The following AK7 variants were observed in gnomAD, a reference collection of about 807,000 sequenced individuals.
AK7 encodes the protein ATP-AMP transphosphorylase 7.
A neutral mutation model predicts 96.6 loss-of-function variants in AK7; 78 were observed. The ratio of observed to expected loss-of-function variants is 0.81; its 90% CI spans 0.67 to 0.97. The LOEUF (loss-of-function observed/expected upper bound fraction) is 0.97. Among genes scored for constraint, AK7 ranks in the 50% least tolerant of loss-of-function variants. The pLI, the probability that AK7 is intolerant of heterozygous loss-of-function variation, is 0.00. For synonymous variants in AK7, 302 were observed against 317.2 expected (o/e 0.95, Z 0.51); for missense variants, 855 against 887.9 (o/e 0.96, Z 0.47).
rs34353872 is a variant in AK7 at position 96,450,431 on chromosome 14, T to TA, written c.948+566dup. 2.5e-3 allele frequency among the ~76,000 whole-genome samples: 348 copies of TA among 138,318 alleles called. 1 individual carries two copies. The highest frequency in any genetic ancestry group is 5.1e-3 in the African/African-American group (193 of 37,732). The allele number at this position is 138,318 out of a possible 152,430, so 90.7% of individuals were successfully genotyped here. A position where few individuals can be genotyped will look rare whatever the true frequency, so the allele number is the denominator to read the frequency against. Reference sequence around the variant, plus strand: ...CAGTCCATCTCAAAATAAAAAAAATTAAAAAAAAAAAAAAGAAACAAAACA... The same window carrying TA: ...CAGTCCATCTCAAAATAAAAAAAATTAAAAAAAAAAAAAAAGAAACAAAACA... On this transcript the variant is annotated intron_variant, in intron 9 of 17. Transcript: ENST00000267584.
At chr14:96,421,728 C>T (rs1054990177) in intron 5 of AK7, among the ~76,000 whole-genome samples, 4 of 151,888 alleles carry the variant, frequency 2.6e-5, no homozygotes, top group Non-Finnish European at 5.9e-5. Flanking sequence ...GCCTCAGCCT[C>T]CCGGGTAGCT....
intron 10 of AK7, among the ~76,000 whole-genome samples, chr14:96,455,351 G>A (rs1194096990): frequency 6.6e-6 from 1 of 152,052 alleles, no homozygotes; most frequent in Non-Finnish European, 1.5e-5. Context: ...CGAACATGGT[G>A]GTGTGCCTCT....
chr14:96,413,316 C>A (rs1313565919), intron 4 of AK7, among the ~76,000 whole-genome samples: 1 of 152,230 alleles, frequency 6.6e-6, no homozygotes, highest in Non-Finnish European at 1.5e-5. Context: ...CTCTTCTCCA[C>A]CCTGCTCCAA....
At chr14:96,402,921 GA>G (rs144148502) in intron 2 of AK7, among the ~76,000 whole-genome samples, 9,409 of 152,068 alleles carry the variant, frequency 0.062, 393 homozygotes, top group African/African-American at 0.11. Context: ...CTGAGGTCAG[GA>G]GTTCAAGACC....
At chr14:96,420,097 G>A (rs532838732) in intron 4 of AK7, among the ~76,000 whole-genome samples, 28 of 151,652 alleles carry the variant, frequency 1.8e-4, no homozygotes, top group South Asian at 2.1e-4. Context: ...AACTCCAGAC[G>A]TCAGGTAATC....
At position 96,488,832 on chromosome 14, in the gene AK7, T is replaced by C. The variant is rs1437837531; in HGVS notation, c.*489T>C. The C allele has an allele frequency of 6.6e-6, 1 of 151,920 alleles. No homozygotes were observed. Among genetic ancestry groups the C allele is most frequent in the East Asian group, 1.9e-4 (1 of 5,202 alleles). The allele number at this position is 151,920 out of a possible 1,614,324, so 9.4% of individuals were successfully genotyped here. A position where few individuals can be genotyped will look rare whatever the true frequency, so the allele number is the denominator to read the frequency against. On this transcript the variant is annotated 3_prime_UTR_variant, in exon 18 of 18. Transcript: ENST00000267584. ...TGGTGCCTGTAAGGTGGCTTTTTTT[T>C]TTTTTTTTTTTAAATGAAGCAATGG... is the stretch of plus-strand genomic sequence containing the variant.
At chr14:96,408,260 C>T (rs1289539194) in intron 3 of AK7, among the ~76,000 whole-genome samples, 1 of 152,202 alleles carries the variant, frequency 6.6e-6, no homozygotes, top group African/African-American at 2.4e-5. Context: ...CCAGCCTGCT[C>T]CCTTTTCTGG....
At chr14:96,408,032 C>G (rs1268077718) in intron 3 of AK7, among the ~76,000 whole-genome samples, 1 of 152,172 alleles carries the variant, frequency 6.6e-6, no homozygotes, top group Non-Finnish European at 1.5e-5. Context: ...TTCTCTCCAC[C>G]TCTATCCTAA....
chr14:96,415,426 C>A (rs1046227849), intron 4 of AK7, among the ~76,000 whole-genome samples: 1 of 152,120 alleles, frequency 6.6e-6, no homozygotes, highest in Non-Finnish European at 1.5e-5. Flanking sequence ...GGATTCCCTG[C>A]ATCACATCTT....
At chr14:96,438,450 G>A (rs1892773295) in intron 6 of AK7, among the ~76,000 whole-genome samples, 1 of 152,154 alleles carries the variant, frequency 6.6e-6, no homozygotes, top group South Asian at 2.1e-4. Flanking sequence ...GAAGGGAAAG[G>A]CAATGAAGGA....
intron 10 of AK7, 98 bp from the exon 11 acceptor site, chr14:96,456,238 CAAAAAAAAAAA>C: frequency 2.5e-6 from 1 of 396,488 alleles, no homozygotes; most frequent in Non-Finnish European, 3.7e-6. Flanking sequence ...GACTCTGTCT[CAAAAAAAAAAA>C]AAAAAAAAAA....
chr14:96,420,118 G>C (rs1024390214), intron 4 of AK7, among the ~76,000 whole-genome samples: 2 of 151,422 alleles, frequency 1.3e-5, no homozygotes, highest in African/African-American at 4.9e-5. Context: ...CGCCCACCTT[G>C]GCCTCCCAAA....
At chr14:96,461,739 C>A (rs942684414) in intron 12 of AK7, among the ~76,000 whole-genome samples, 3 of 152,066 alleles carry the variant, frequency 2.0e-5, no homozygotes, top group Non-Finnish European at 4.4e-5. Flanking sequence ...CACACACCAC[C>A]ATGGCCAGCT....
chr14:96,478,427 T>C (rs1354291192), intron 14 of AK7, 38 bp from the exon 15 acceptor site: 1 of 1,608,370 alleles, frequency 6.2e-7, no homozygotes, highest in South Asian at 1.1e-5. Context: ...TTAGCTGCGC[T>C]GTATTGTGCC....
rs140070515 is a variant in AK7 at position 96,446,644 on chromosome 14, G to A, written c.870+37G>A. 199 of 1,595,212 alleles carry A rather than the reference G, an allele frequency of 1.2e-4. No homozygotes were observed. In the East Asian group the frequency reaches 2.6e-3, roughly 21 times the overall value. On this transcript the variant is annotated intron_variant, in intron 8 of 17. Transcript: ENST00000267584. ...TCATCCCATACTTTGATGACATATCGTAAATAGTTTTGCTGGCTGGGCGCG... is the reference window on the plus strand; with the variant it reads ...TCATCCCATACTTTGATGACATATCATAAATAGTTTTGCTGGCTGGGCGCG...
chr14:96,405,957 A>G (rs566290078), intron 3 of AK7, among the ~76,000 whole-genome samples: 70 of 152,188 alleles, frequency 4.6e-4, no homozygotes, highest in African/African-American at 1.5e-3. Context: ...TGCTTTGAAA[A>G]GTGTAATGAA....
chr14:96,433,403 A>G (rs375387766), intron 5 of AK7, among the ~76,000 whole-genome samples: 2 of 151,808 alleles, frequency 1.3e-5, no homozygotes, highest in Non-Finnish European at 2.9e-5. Flanking sequence ...TTCTCTTCTC[A>G]CTTCATTTCA....
intron 2 of AK7, among the ~76,000 whole-genome samples, chr14:96,403,677 A>G (rs1354537481): frequency 6.6e-6 from 1 of 152,224 alleles, no homozygotes; most frequent in African/African-American, 2.4e-5. Context: ...GCTTTAATAC[A>G]GTTGGTCAAG....
intron 6 of AK7, among the ~76,000 whole-genome samples, chr14:96,441,374 C>T (rs1019544314): frequency 6.6e-6 from 1 of 152,062 alleles, no homozygotes; most frequent in African/African-American, 2.4e-5. Context: ...CATGGTGGTT[C>T]ACGCCAGTAA....
Sources: allele counts gnomAD v4.1 joint callset (sites outside exome capture counted in the v4.1 genomes callset), GRCh38; gene constraint gnomAD v4.1.1; transcripts MANE v1.5; gene names NCBI Gene and HGNC (gene_info 2026-07-23, HGNC 2026-07-21).